The following UBE3D variants were observed in gnomAD, a reference collection of about 807,000 sequenced individuals.
UBE3D encodes ubiquitin protein ligase E3D.
In UBE3D, 48 loss-of-function variants were observed where a neutral mutation model predicts 49.6. The ratio of observed to expected loss-of-function variants is 0.97; its 90% confidence interval spans 0.77 to 1.23. The LOEUF (loss-of-function observed/expected upper bound fraction) is 1.23, where lower values mean the gene tolerates loss of function less well. Among genes scored for constraint, UBE3D ranks in the 50% most tolerant of loss-of-function variants. The pLI, the probability that UBE3D is intolerant of heterozygous loss-of-function variation, is 0.00. For missense variants in UBE3D, 452 were observed against 468.4 expected, an observed-to-expected ratio of 0.96 and a Z score of 0.32; for synonymous variants, 189 against 174.2, an observed-to-expected ratio of 1.08 and a Z score of -0.67.
chr6:82,948,851 G>A (rs188420156), intron 9 of UBE3D, among the ~76,000 whole-genome samples: 1 of 150,762 alleles, frequency 6.6e-6, no homozygotes, highest in East Asian at 1.9e-4. Flanking sequence ...TACAAAACTG[G>A]GTATAGAAGG....
chr6:83,050,942 T>C (rs1171396074), intron 3 of UBE3D, among the ~76,000 whole-genome samples: 2 of 152,156 alleles, frequency 1.3e-5, no homozygotes, highest in African/African-American at 4.8e-5. Context: ...GTCCACTGTT[T>C]CTCAGAGAGA....
chr6:82,995,016 C>G (rs1055495454), intron 8 of UBE3D, among the ~76,000 whole-genome samples: 3 of 152,050 alleles, frequency 2.0e-5, no homozygotes, highest in African/African-American at 7.2e-5. Flanking sequence ...TTTATGAGAG[C>G]AGATGAGCTT....
rs574406426 is a variant in UBE3D at position 82,975,205 on chromosome 6, C to T, written c.1011-17755G>A. Among the ~76,000 whole-genome samples, 33 of 152,154 alleles carry T rather than the reference C, an allele frequency of 2.2e-4. 1 individual carries two copies. The highest frequency in any genetic ancestry group is 2.0e-3 in the Admixed American group (30 of 15,282). The stretch of plus-strand genomic sequence containing the variant: ...TTTGCTTCCTAATTACTTACAATAT[C>T]AAGTTTTAGAAACTAGCAAATATAA... On this transcript the variant is annotated intron_variant, in intron 8 of 9. Coordinates refer to ENST00000369747, the MANE Select transcript of UBE3D (RefSeq NM_198920.3).
chr6:82,998,556 G>A (rs1305963409), intron 8 of UBE3D, among the ~76,000 whole-genome samples: 1 of 152,148 alleles, frequency 6.6e-6, no homozygotes, highest in Non-Finnish European at 1.5e-5. Context: ...GCATGTGTCT[G>A]AATAAGTGCT....
chr6:82,942,159 G>A (rs1195092758), intron 9 of UBE3D, among the ~76,000 whole-genome samples: 2 of 152,126 alleles, frequency 1.3e-5, no homozygotes, highest in African/African-American at 4.8e-5. Flanking sequence ...AGGCTGAGGT[G>A]GTCTCAGATG....
chr6:82,910,211 C>T lies in UBE3D; in HGVS notation c.1150-17169G>A, dbSNP rs548012260. ...TTTAGATTTCCCAATAAAACCCTTG[C>T]GTATCCACTCCTGCCTGCAAAGGGA... is the stretch of plus-strand genomic sequence containing the variant. On this transcript the variant is annotated intron_variant, in intron 9 of 9. Transcript: ENST00000369747. Among the ~76,000 whole-genome samples the T allele has an allele frequency of 7.2e-5, 11 of 152,236 alleles. No homozygotes were observed. The South Asian group carries it at 1.7e-3, about 23-fold the overall frequency.
At chr6:83,032,668 T>C (rs1298743447) in intron 5 of UBE3D, among the ~76,000 whole-genome samples, 1 of 152,184 alleles carries the variant, frequency 6.6e-6, no homozygotes, top group Non-Finnish European at 1.5e-5. Context: ...TGATATGGTT[T>C]GGCTGTGTCC....
intron 9 of UBE3D, among the ~76,000 whole-genome samples, chr6:82,914,834 A>C (rs1016745591): frequency 2.7e-4 from 41 of 152,194 alleles, no homozygotes; most frequent in African/African-American, 9.4e-4. Context: ...GGTGGTAAGA[A>C]AATATGAGCG....
chr6:83,022,559 G>T lies in UBE3D; in HGVS notation c.740C>A (p.Ser247Tyr). 6.4e-7 allele frequency: 1 copy of T among 1,568,298 alleles called. No individual in the cohort carries two copies. The highest frequency in any genetic ancestry group is 1.4e-5 in the African/African-American group (1 of 71,948). The change falls in exon 7 of 10, where the codon TCT becomes TAT. Residue 247 changes from serine to tyrosine, a missense_variant and splice_region_variant. Transcript: ENST00000369747. ...GGCGATCACGCTCTGGACAAACCAAGACCTGTTTGAACAGAAATCAATTTT... is the reference window on the plus strand; with the variant it reads ...GGCGATCACGCTCTGGACAAACCAATACCTGTTTGAACAGAAATCAATTTT... ...SERSFPIIPR[S>Y]WFVQSVIAQC... is the part of the protein sequence containing the mutation.
chr6:82,913,182 CAG>C (rs1772653498), intron 9 of UBE3D, among the ~76,000 whole-genome samples: 1 of 152,132 alleles, frequency 6.6e-6, no homozygotes, highest in African/African-American at 2.4e-5. Context: ...ATGTGAAAAA[CAG>C]AAATAGCTGC....
chr6:82,956,036 A>G (rs1386613226), intron 9 of UBE3D, among the ~76,000 whole-genome samples: 31 of 152,186 alleles, frequency 2.0e-4, no homozygotes, highest in Admixed American at 2.0e-3. Context: ...CATGTAACAG[A>G]TTTCCAAGAG....
intron 8 of UBE3D, among the ~76,000 whole-genome samples, chr6:82,988,431 A>G (rs1348855386): frequency 6.6e-6 from 1 of 152,230 alleles, no homozygotes; most frequent in Non-Finnish European, 1.5e-5. Flanking sequence ...AAATACTGAC[A>G]GACTGACCCT....
At chr6:82,921,266 T>C (rs2127735451) in intron 9 of UBE3D, among the ~76,000 whole-genome samples, 1 of 152,286 alleles carries the variant, frequency 6.6e-6, no homozygotes, top group East Asian at 1.9e-4. Context: ...TTTTAAAAAA[T>C]CTTTTAAACA....
chr6:82,957,235 G>T (rs1195304651), intron 9 of UBE3D, 77 bp downstream of exon 9: 7 of 1,499,866 alleles, frequency 4.7e-6, no homozygotes, highest in Non-Finnish European at 6.4e-6. Context: ...GCTATCTCCT[G>T]TGAAAGAGAG....
chr6:82,942,744 G>A (rs1300518858), intron 9 of UBE3D, among the ~76,000 whole-genome samples: 2 of 152,262 alleles, frequency 1.3e-5, no homozygotes, highest in Non-Finnish European at 2.9e-5. Flanking sequence ...TTCAGAGGAT[G>A]TATGGAAATG....
the UBE3D span, among the ~76,000 whole-genome samples, chr6:82,885,761 C>T: frequency 6.6e-6 from 1 of 152,186 alleles, no homozygotes; most frequent in Admixed American, 6.5e-5. Flanking sequence ...TCAAAGCTTT[C>T]CACAATCTGA....
chr6:83,053,469 T>C (rs1056484276), intron 3 of UBE3D, among the ~76,000 whole-genome samples: 3 of 152,136 alleles, frequency 2.0e-5, no homozygotes, highest in African/African-American at 7.2e-5. Context: ...GCTGAAATTT[T>C]AGGAGGAAGG....
rs562481592 is a variant in UBE3D at position 82,992,405 on chromosome 6, T to C, written c.1010+26568A>G. The stretch of plus-strand genomic sequence containing the variant: ...GCCTGGCTAATTTTTGTAATTTTAG[T>C]AGAGATGGGGTTTCACCATGCTGGC... On this transcript the variant is annotated intron_variant, in intron 8 of 9. Transcript: ENST00000369747. Among the ~76,000 whole-genome samples, 17 of 152,060 alleles carry C rather than the reference T, an allele frequency of 1.1e-4. No homozygotes were observed. In the South Asian group the frequency reaches 3.3e-3, roughly 30 times the overall value.
At chr6:83,055,127 C>T (rs1201438290) in intron 2 of UBE3D, among the ~76,000 whole-genome samples, 5 of 94,972 alleles carry the variant, frequency 5.3e-5, no homozygotes, top group African/African-American at 2.1e-4. Flanking sequence ...TATGGTAAAA[C>T]GTTGAAAGCT....
Sources: gnomAD v4.1 joint callset for allele counts (sites outside exome capture counted in the v4.1 genomes callset) on GRCh38, gnomAD v4.1.1 for gene constraint, MANE v1.5 for transcripts, NCBI Gene and HGNC (gene_info 2026-07-23, HGNC 2026-07-21) for gene names.